The following ARHGAP25 variants were observed in gnomAD, a reference collection of about 807,000 sequenced individuals.
The protein encoded by ARHGAP25 is Rho GTPase activating protein 25.
Under a neutral mutation model 71.0 loss-of-function variants are expected in ARHGAP25, and 34 were observed. That is an observed-to-expected ratio of 0.48 (90% CI 0.36 to 0.64). The LOEUF is 0.64. ARHGAP25 is among the 30% of genes least tolerant of loss of function. The pLI is 0.00. For synonymous variants in ARHGAP25, 282 were observed against 296.5 expected, an observed-to-expected ratio of 0.95 and a Z score of 0.50; for missense variants, 706 against 805.1, an observed-to-expected ratio of 0.88 and a Z score of 1.49.
At chr2:68,805,739 C>T (rs892121553) in intron 4 of ARHGAP25, among the ~76,000 whole-genome samples, 2 of 152,096 alleles carry the variant, frequency 1.3e-5, no homozygotes, top group African/African-American at 4.8e-5. Flanking sequence ...CAGCTCTATA[C>T]AGGTGGAATC....
intron 1 of ARHGAP25, among the ~76,000 whole-genome samples, chr2:68,769,926 G>A (rs1318739049): frequency 1.3e-5 from 2 of 152,238 alleles, no homozygotes; most frequent in African/African-American, 4.8e-5. Flanking sequence ...CTCCATGGCA[G>A]TTTAGACTTC....
At chr2:68,798,061 C>T (rs762816506) in intron 4 of ARHGAP25, among the ~76,000 whole-genome samples, 11 of 152,162 alleles carry the variant, frequency 7.2e-5, no homozygotes, top group Non-Finnish European at 1.2e-4. Context: ...TTTCTCTAAG[C>T]GGATGAGATT....
Position 68,727,906 on chromosome 2 carries a change from G to T in ARHGAP25, c.-18+17208G>T, listed in dbSNP as rs180970118. ...CAGCAGATCTAATCACTCCTAGAAAGATGTGACTGCCTTTTCATGCACAGC... is the reference window on the plus strand; with the variant it reads ...CAGCAGATCTAATCACTCCTAGAAATATGTGACTGCCTTTTCATGCACAGC... On this transcript the variant is annotated intron_variant and NMD_transcript_variant, in intron 2 of 7. Coordinates refer to the ARHGAP25 transcript ENST00000463483. Among the ~76,000 whole-genome samples the T allele has an allele frequency of 4.1e-4, 62 of 152,344 alleles. 1 individual carries two copies. The highest frequency in any genetic ancestry group is 1.4e-3 in the African/African-American group (58 of 41,586).
intron 3 of ARHGAP25, 138 bp from the exon 4 acceptor site, chr2:68,787,702 C>G (rs1040407739): frequency 1.4e-6 from 1 of 710,090 alleles, no homozygotes; most frequent in Non-Finnish European, 2.6e-6. Context: ...GAGGATAATT[C>G]GACAATGCAT....
intron 9 of ARHGAP25, among the ~76,000 whole-genome samples, chr2:68,820,162 T>TA (rs1279694927): frequency 6.6e-6 from 1 of 152,190 alleles, no homozygotes; most frequent in Non-Finnish European, 1.5e-5. Context: ...AAATAAAATT[T>TA]AAAAATGCTC....
intron 1 of ARHGAP25, among the ~76,000 whole-genome samples, chr2:68,741,090 A>G (rs1331105958): frequency 6.6e-6 from 1 of 152,206 alleles, no homozygotes; most frequent in Non-Finnish European, 1.5e-5. Flanking sequence ...TCCTTTCTTT[A>G]TAGGCAGTCT....
intron 6 of ARHGAP25, among the ~76,000 whole-genome samples, chr2:68,814,921 TCTTAA>T (rs1193446772): frequency 2.6e-5 from 4 of 152,224 alleles, no homozygotes; most frequent in Non-Finnish European, 5.9e-5. Context: ...ATATGAAAAG[TCTTAA>T]CTTATACTGG....
At chr2:68,771,724 A>C (rs1677501675) in intron 1 of ARHGAP25, among the ~76,000 whole-genome samples, 1 of 152,222 alleles carries the variant, frequency 6.6e-6, no homozygotes, top group Non-Finnish European at 1.5e-5. Flanking sequence ...GCCTAATTCC[A>C]GCAGTGTGGA....
chr2:68,737,045 A>G (rs1675258831), intron 1 of ARHGAP25, among the ~76,000 whole-genome samples: 1 of 152,120 alleles, frequency 6.6e-6, no homozygotes, highest in African/African-American at 2.4e-5. Context: ...ATTTAGTATT[A>G]CTTAATGAAA....
chr2:68,798,278 G>A (rs994108464), intron 4 of ARHGAP25, among the ~76,000 whole-genome samples: 12 of 152,204 alleles, frequency 7.9e-5, no homozygotes, highest in African/African-American at 2.9e-4. Flanking sequence ...CTGGAGGGGT[G>A]TGCAATCATT....
At chr2:68,806,427 C>T (rs1680366936) in intron 4 of ARHGAP25, among the ~76,000 whole-genome samples, 1 of 152,140 alleles carries the variant, frequency 6.6e-6, no homozygotes, top group Non-Finnish European at 1.5e-5. Context: ...CCCTCTTTAT[C>T]CTTGGGGGGA....
At chr2:68,813,982 G>A (rs936427900) in intron 6 of ARHGAP25, among the ~76,000 whole-genome samples, 2 of 152,160 alleles carry the variant, frequency 1.3e-5, no homozygotes, top group African/African-American at 4.8e-5. Context: ...TTTCTAGAGA[G>A]GCCTTATAGT....
At chr2:68,806,550 C>G (rs1266888466) in intron 4 of ARHGAP25, among the ~76,000 whole-genome samples, 1 of 152,200 alleles carries the variant, frequency 6.6e-6, no homozygotes, top group Non-Finnish European at 1.5e-5. Flanking sequence ...ACTGAGACAA[C>G]TACTACGCGA....
chr2:68,729,501 A>G (rs1261160272), intron 2 of ARHGAP25, among the ~76,000 whole-genome samples: 2 of 152,228 alleles, frequency 1.3e-5, no homozygotes, highest in South Asian at 2.1e-4. Flanking sequence ...ACTCAGACAC[A>G]TCGACACCTA....
At chr2:68,760,443 G>A (rs1676733842) in intron 1 of ARHGAP25, among the ~76,000 whole-genome samples, 1 of 151,940 alleles carries the variant, frequency 6.6e-6, no homozygotes, top group Non-Finnish European at 1.5e-5. Flanking sequence ...AAAATCCTAA[G>A]GATTCGACCA....
chr2:68,814,930 A>G (rs572174032), intron 6 of ARHGAP25, among the ~76,000 whole-genome samples: 16 of 152,356 alleles, frequency 1.1e-4, no homozygotes, highest in Admixed American at 7.8e-4. Flanking sequence ...GTCTTAACTT[A>G]TACTGGTATA....
intron 3 of ARHGAP25, 102 bp from the exon 4 acceptor site, chr2:68,787,738 C>A: frequency 1.1e-6 from 1 of 901,100 alleles, no homozygotes. Flanking sequence ...GGTAGTGCTT[C>A]ATTGAACCAA....
intron 2 of ARHGAP25, 113 bp downstream of exon 2, chr2:68,775,533 A>G: frequency 6.6e-7 from 1 of 1,508,706 alleles, no homozygotes; most frequent in Non-Finnish European, 9.1e-7. Flanking sequence ...AGACACACCC[A>G]TTGGAAAGGA....
intron 2 of ARHGAP25, among the ~76,000 whole-genome samples, chr2:68,780,407 C>T (rs1678238866): frequency 6.6e-6 from 1 of 152,196 alleles, no homozygotes; most frequent in Non-Finnish European, 1.5e-5. Context: ...TATTCTGGTG[C>T]CATAACTCAT....
Sources: allele counts gnomAD v4.1 joint callset (sites outside exome capture counted in the v4.1 genomes callset), GRCh38; gene constraint gnomAD v4.1.1; transcripts MANE v1.5; gene names NCBI Gene and HGNC (gene_info 2026-07-23, HGNC 2026-07-21).